The following SHC3 variants were observed in gnomAD, a reference collection of about 807,000 sequenced individuals.
The protein encoded by SHC3 is SHC-transforming protein 3.
A neutral mutation model predicts 60.4 loss-of-function variants in SHC3; 15 were observed. The observed-to-expected ratio is 0.25, with a 90% CI of 0.17 to 0.38. The LOEUF (loss-of-function observed/expected upper bound fraction) is 0.38. Ranked by LOEUF, SHC3 falls within the 10% of genes least tolerant of loss-of-function variation. The pLI, the probability that SHC3 is intolerant of heterozygous loss-of-function variation, is 1.00. For missense variants in SHC3, 677 were observed against 786.1 expected, an observed-to-expected ratio of 0.86 and a Z score of 1.66; for synonymous variants, 294 against 325.9, an observed-to-expected ratio of 0.90 and a Z score of 1.05.
intron 1 of SHC3, among the ~76,000 whole-genome samples, chr9:89,143,513 C>G (rs1228587251): frequency 6.6e-6 from 1 of 152,136 alleles, no homozygotes; most frequent in East Asian, 1.9e-4. Flanking sequence ...TGGAGTTGCT[C>G]TGGTTCAAAT....
chr9:89,037,548 T>A, intron 11 of SHC3: 1 of 716,672 alleles, frequency 1.4e-6, no homozygotes, highest in African/African-American at 1.7e-5. Flanking sequence ...AACAAGAGAC[T>A]TAGCAATGGG....
intron 11 of SHC3, 50 bp downstream of exon 11, chr9:89,037,943 C>A: frequency 1.3e-6 from 2 of 1,580,518 alleles, no homozygotes; most frequent in Non-Finnish European, 1.7e-6. Flanking sequence ...CTGTTTAAGG[C>A]AGGTCTGCAC....
At chr9:89,111,648 A>G (rs1230825494) in intron 2 of SHC3, among the ~76,000 whole-genome samples, 3 of 151,978 alleles carry the variant, frequency 2.0e-5, no homozygotes, top group African/African-American at 7.2e-5. Context: ...AAGAGGTATT[A>G]TTATGGTACC....
Position 89,011,442 on chromosome 9 carries a change from G to A in SHC3, c.*2005C>T, listed in dbSNP as rs1826012533. ...CACAAGTGGGGAATGCATGAATGTA[G>A]AAAGAAGGTCATTTCGCACATTTTT... On this transcript the variant is annotated 3_prime_UTR_variant, in exon 12 of 12. Transcript: ENST00000375835. 6.6e-6 allele frequency: 1 copy of A among 152,228 alleles called. No individual in the cohort carries two copies. Among genetic ancestry groups the A allele is most frequent in the South Asian group, 2.1e-4 (1 of 4,836 alleles). The allele number at this position is 152,228 out of a possible 1,614,324, so 9.4% of individuals were successfully genotyped here. A position where few individuals can be genotyped will look rare whatever the true frequency, so the allele number is the denominator to read the frequency against.
chr9:89,063,925 G>A (rs117011167), intron 6 of SHC3, among the ~76,000 whole-genome samples: 1 of 152,234 alleles, frequency 6.6e-6, no homozygotes, highest in African/African-American at 2.4e-5. Flanking sequence ...AACACCACAG[G>A]CTGGGTGACT....
intron 11 of SHC3, among the ~76,000 whole-genome samples, chr9:89,017,937 C>G (rs966955816): frequency 6.6e-6 from 1 of 151,968 alleles, no homozygotes; most frequent in Non-Finnish European, 1.5e-5. Flanking sequence ...ATCAAAACCA[C>G]GAGATACTAT....
At chr9:89,023,919 C>T (rs1378922490) in intron 11 of SHC3, among the ~76,000 whole-genome samples, 1 of 152,218 alleles carries the variant, frequency 6.6e-6, no homozygotes, top group East Asian at 1.9e-4. Flanking sequence ...ACTACTGCCT[C>T]ATCTCCATCC....
At chr9:89,161,231 C>T (rs1826701179) in intron 1 of SHC3, among the ~76,000 whole-genome samples, 1 of 152,178 alleles carries the variant, frequency 6.6e-6, no homozygotes, top group African/African-American at 2.4e-5. Flanking sequence ...GCACCACCCC[C>T]TTCATGCATC....
intron 2 of SHC3, among the ~76,000 whole-genome samples, chr9:89,094,928 C>T (rs1478314241): frequency 6.6e-6 from 1 of 151,652 alleles, no homozygotes; most frequent in Non-Finnish European, 1.5e-5. Flanking sequence ...TGGTCACTAA[C>T]AACAACAACA....
chr9:89,128,180 A>G (rs1266691704), intron 1 of SHC3, among the ~76,000 whole-genome samples: 1 of 152,180 alleles, frequency 6.6e-6, no homozygotes, highest in African/African-American at 2.4e-5. Flanking sequence ...GACTTTAGTA[A>G]GCTTTGAGAA....
chr9:89,093,309 G>C (rs1469022386), intron 2 of SHC3, among the ~76,000 whole-genome samples: 1 of 152,174 alleles, frequency 6.6e-6, no homozygotes, highest in African/African-American at 2.4e-5. Flanking sequence ...GGAAATTCTA[G>C]AAAAGGCAGA....
At chr9:89,035,856 T>TATATATATATATA (rs1317555722) in intron 11 of SHC3, among the ~76,000 whole-genome samples, 301 of 88,736 alleles carry the variant, frequency 3.4e-3, no homozygotes, top group Middle Eastern at 6.0e-3. Context: ...TATAGATGTG[T>TATATATATATATA]GTGTGTGTGT....
intron 1 of SHC3, among the ~76,000 whole-genome samples, chr9:89,177,208 T>G (rs1312062903): frequency 6.6e-6 from 1 of 152,160 alleles, no homozygotes; most frequent in Admixed American, 6.5e-5. Flanking sequence ...CATAACATGC[T>G]TGCATAAGGG....
intron 2 of SHC3, among the ~76,000 whole-genome samples, chr9:89,092,739 G>GGTGTGTGTGTGTGTGT (rs150979999): frequency 6.7e-6 from 1 of 149,090 alleles, no homozygotes; most frequent in African/African-American, 2.5e-5. Flanking sequence ...AAAGAAGGAA[G>GGTGTGTGTGTGTGTGT]GTGTGTGTGT....
chr9:89,027,339 TGA>T (rs1564082531), intron 11 of SHC3, among the ~76,000 whole-genome samples: 4 of 151,112 alleles, frequency 2.6e-5, no homozygotes, highest in Non-Finnish European at 4.4e-5. Flanking sequence ...TTTTTTTTTT[TGA>T]GACTGAGTCT....
At chr9:89,049,402 C>T (rs7043229) in intron 7 of SHC3, among the ~76,000 whole-genome samples, 41,262 of 152,134 alleles carry the variant, frequency 0.27, 7,178 homozygotes, top group African/African-American at 0.49. Context: ...AACTTCACTA[C>T]ATACAAACAC....
At chr9:89,128,302 C>T (rs1237618553) in intron 1 of SHC3, among the ~76,000 whole-genome samples, 1 of 152,096 alleles carries the variant, frequency 6.6e-6, no homozygotes, top group Non-Finnish European at 1.5e-5. Flanking sequence ...TTTAAAGTCA[C>T]AAACTGCTAC....
rs145650471 is a variant in SHC3, at chr9:89,015,161, C to T, written c.1657-1586G>A. ...CCTCAGCATTCCTGCCCCAGAAAGA[C>T]CCCCTGAGTAACTCAAGAAGCATAC... On this transcript the variant is annotated intron_variant, in intron 11 of 11. Transcript: ENST00000375835. Among the ~76,000 whole-genome samples, 283 of 152,314 alleles carry T rather than the reference C, an allele frequency of 1.9e-3. 1 individual carries two copies. The highest frequency in any genetic ancestry group is 3.0e-3 in the Non-Finnish European group (201 of 68,020).
At chr9:89,131,228 T>G (rs1311559505) in intron 1 of SHC3, among the ~76,000 whole-genome samples, 1 of 152,124 alleles carries the variant, frequency 6.6e-6, no homozygotes, top group Non-Finnish European at 1.5e-5. Flanking sequence ...AATCCCTGAA[T>G]AGACCAATAA....
Sources: gnomAD v4.1 joint callset for allele counts (sites outside exome capture counted in the v4.1 genomes callset) on GRCh38, gnomAD v4.1.1 for gene constraint, MANE v1.5 for transcripts, NCBI Gene and HGNC (gene_info 2026-07-23, HGNC 2026-07-21) for gene names.